Variants in ERBB2 observed in about 807,000 individuals in gnomAD.
ERBB2 encodes erb-b2 receptor tyrosine kinase 2, also known as receptor tyrosine-protein kinase erbB-2.
ERBB2 carries 61 observed loss-of-function variants against 149.0 expected under a neutral mutation model. The ratio of observed to expected loss-of-function variants is 0.41; its 90% CI spans 0.33 to 0.51. The LOEUF is 0.51. ERBB2 is among the 20% of genes least tolerant of loss of function. ERBB2 has a pLI of 0.25. For synonymous variants in ERBB2, 633 were observed against 678.8 expected (o/e 0.93, Z 1.05); for missense variants, 1,205 against 1,655.1 (o/e 0.73, Z 4.72).
At chr17:39,708,630 T>C in intron 3 of ERBB2, 96 bp downstream of exon 3, 1 of 962,560 alleles carries the variant, frequency 1.0e-6, no homozygotes, top group Non-Finnish European at 1.6e-6. Flanking sequence ...TTAGAAATGG[T>C]GTCCCTTCTG....
chr17:39,713,928 C>T (rs1322153718), intron 9 of ERBB2, among the ~76,000 whole-genome samples: 1 of 151,078 alleles, frequency 6.6e-6, no homozygotes, highest in Non-Finnish European at 1.5e-5. Flanking sequence ...CATGGTGGTA[C>T]GCACCTGTAG....
intron 3 of ERBB2, 68 bp from the exon 4 acceptor site, chr17:39,709,250 G>C (rs2058651547): frequency 9.5e-6 from 15 of 1,584,856 alleles, no homozygotes; most frequent in Non-Finnish European, 1.1e-5. Flanking sequence ...TAGAAGGCAG[G>C]AGGGCCCCAA....
rs1264035206 is a variant in ERBB2, at chr17:39,727,307, G to A, written c.3172G>A (p.Asp1058Asn). ...RSSSTRSGGG[D>N]LTLGLEPSEE... Reference sequence around the variant, plus strand: ...TTCTTGTCCCCAGAGTGGCGGTGGGGACCTGACACTAGGGCTGGAGCCCTC... The same window carrying A: ...TTCTTGTCCCCAGAGTGGCGGTGGGAACCTGACACTAGGGCTGGAGCCCTC... Residue 1058 changes from aspartate (D) to asparagine (N), a missense_variant, in exon 26 of 27, where the codon GAC becomes AAC. By Grantham distance (23) the Asp-to-Asn change is conservative. This residue lies in a region of ERBB2 where 312 missense variants were observed against 343.8 expected (regional missense o/e 0.91). Coordinates refer to ENST00000269571, the MANE Select transcript of ERBB2 (RefSeq NM_004448.4). The surrounding 1 kb of genome is among the most constrained non-coding windows in gnomAD (Gnocchi z 4.3). 6.2e-7 allele frequency: 1 copy of A among 1,612,792 alleles called. No homozygotes were observed. The highest frequency in any genetic ancestry group is 8.5e-7 in the Non-Finnish European group (1 of 1,179,700).
In ERBB2 at chr17:39,728,313, A is replaced by G. The variant is rs1406149713; in HGVS notation, c.*269A>G. 2.6e-6 allele frequency: 1 copy of G among 388,266 alleles called. No homozygotes were observed. Among genetic ancestry groups the G allele is most frequent in the Non-Finnish European group, 4.6e-6 (1 of 215,122 alleles). The allele number at this position is 388,266 out of a possible 1,614,324, so 24.1% of individuals were successfully genotyped here. On this transcript the variant is annotated 3_prime_UTR_variant, in exon 27 of 27. Transcript: ENST00000269571. ...GAGACTCTAGGGTCCAGTGGATGCC[A>G]CAGCCCAGCTTGGCCCTTTCCTTCC...
At chr17:39,710,558 C>T (rs2145530541) in intron 7 of ERBB2, 77 bp downstream of exon 7, 1 of 1,513,186 alleles carries the variant, frequency 6.6e-7, no homozygotes, top group Non-Finnish European at 9.1e-7. Context: ...ATATGGGGAG[C>T]ACTGTCTGCA....
At chr17:39,699,926 T>G, upstream of ERBB2, 1 of 999,082 alleles carries the variant, frequency 1.0e-6, no homozygotes, top group Non-Finnish European at 1.3e-6. Flanking sequence ...AGCTGGGAGT[T>G]GCCACTCCCA....
At chr17:39,712,511 G>GC in intron 9 of ERBB2, 63 bp downstream of exon 9, 2 of 1,582,506 alleles carry the variant, frequency 1.3e-6, no homozygotes, top group Non-Finnish European at 1.7e-6. Flanking sequence ...GGATCCAGAT[G>GC]TGGCAGCATC....
intron 2 of ERBB2, 148 bp from the exon 3 acceptor site, chr17:39,708,173 C>T: frequency 1.7e-6 from 1 of 594,612 alleles, no homozygotes; most frequent in South Asian, 2.2e-5. Context: ...TGATCTTTAT[C>T]TCTATTTTAT....
upstream of ERBB2, among the ~76,000 whole-genome samples, chr17:39,697,341 G>GTTTTTTTT (rs1313244019): frequency 2.9e-5 from 4 of 137,844 alleles, no homozygotes; most frequent in African/African-American, 8.6e-5. Context: ...TGCTAGGGTT[G>GTTTTTTTT]TTTTTTTGTT....
At chr17:39,703,642 A>T (rs954587888) in intron 1 of ERBB2, among the ~76,000 whole-genome samples, 1 of 152,244 alleles carries the variant, frequency 6.6e-6, no homozygotes, top group African/African-American at 2.4e-5. Flanking sequence ...ACTGCAGGGC[A>T]TAGAGATGAA....
At chr17:39,719,400 A>G (rs1004798794) in intron 15 of ERBB2, among the ~76,000 whole-genome samples, 2 of 152,280 alleles carry the variant, frequency 1.3e-5, no homozygotes, top group Middle Eastern at 3.2e-3. Flanking sequence ...TGTACAGTCT[A>G]TATTCAGAGG....
At position 39,712,305 on chromosome 17, in the gene ERBB2, CA is replaced by C; in HGVS notation, c.1022-16del. 1 of 1,612,770 alleles carries C rather than the reference CA, an allele frequency of 6.2e-7. No individual in the cohort carries two copies. The highest frequency in any genetic ancestry group is 8.5e-7 in the Non-Finnish European group (1 of 1,179,094). On this transcript the variant is annotated splice_polypyrimidine_tract_variant and intron_variant, in intron 8 of 26. Coordinates refer to ENST00000269571, the MANE Select transcript of ERBB2 (RefSeq NM_004448.4). ...AGGCTGAGACGGCCCCTTCCCCACC[CA>C]CCCCCACCTCCTCAGTGTGCTATGG...
chr17:39,701,344 G>A (rs2058095640), intron 1 of ERBB2, among the ~76,000 whole-genome samples: 1 of 152,122 alleles, frequency 6.6e-6, no homozygotes, highest in Admixed American at 6.5e-5. Flanking sequence ...GCAGTCCAGA[G>A]GTTGAGTAGC....
At position 39,720,182 on chromosome 17, in the gene ERBB2, G is replaced by C. The variant is rs1266525997; in HGVS notation, c.1946+348G>C. 3.2e-5 allele frequency: 8 copies of C among 253,780 alleles called. No individual in the cohort carries two copies. The Admixed American group carries it at 4.1e-4, about 13-fold the overall frequency. The allele number at this position is 253,780 out of a possible 1,614,324, so 15.7% of individuals were successfully genotyped here. On this transcript the variant is annotated intron_variant, in intron 16 of 26. Coordinates refer to ENST00000269571, the MANE Select transcript of ERBB2 (RefSeq NM_004448.4). Reference sequence around the variant, plus strand: ...AGGGAGTGATGAATTCTTAACTGGGGATGGTGGGAGGCTTCGAGTGGGAGG... The same window carrying C: ...AGGGAGTGATGAATTCTTAACTGGGCATGGTGGGAGGCTTCGAGTGGGAGG...
chr17:39,705,451 G>C (rs1338723454), intron 1 of ERBB2, among the ~76,000 whole-genome samples: 1 of 152,218 alleles, frequency 6.6e-6, no homozygotes, highest in Non-Finnish European at 1.5e-5. Flanking sequence ...TTGGGAGTCT[G>C]TTGGGGGAGG....
At chr17:39,724,572 T>G (rs888917402) in intron 19 of ERBB2, among the ~76,000 whole-genome samples, 154 bp from the exon 20 acceptor site, 1 of 152,008 alleles carries the variant, frequency 6.6e-6, no homozygotes, top group Non-Finnish European at 1.5e-5. Context: ...CTTTGTATTT[T>G]TAGTAGAGAC....
At chr17:39,706,736 T>G in intron 1 of ERBB2, 1 of 355,242 alleles carries the variant, frequency 2.8e-6, no homozygotes, top group East Asian at 4.2e-5. Flanking sequence ...GCTGGCACGC[T>G]GGGGCAGCCT....
chr17:39,708,735 A>C (rs1382267703), intron 3 of ERBB2, among the ~76,000 whole-genome samples: 1 of 152,182 alleles, frequency 6.6e-6, no homozygotes, highest in Non-Finnish European at 1.5e-5. Context: ...CAGCACATAT[A>C]ATTCAATCGT....
chr17:39,688,652 T>G (rs1051574804), intron 1 of ERBB2: 1 of 152,424 alleles, frequency 6.6e-6, no homozygotes, highest in Non-Finnish European at 1.5e-5. Flanking sequence ...GCTTCCTGAC[T>G]GCCTGGCCTG....
Sources: gnomAD v4.1 joint callset for allele counts (sites outside exome capture counted in the v4.1 genomes callset) on GRCh38, gnomAD v4.1.1 for gene constraint, gnomAD v4.1.1 regional missense constraint, Gnocchi (gnomAD v3.1) non-coding constraint, MANE v1.5 for transcripts, NCBI Gene and HGNC (gene_info 2026-07-23, HGNC 2026-07-21) for gene names.